The following IFNGR2 variants were observed in gnomAD, a reference collection of about 807,000 sequenced individuals.
IFNGR2 encodes IFN-gamma receptor 2.
IFNGR2 carries 15 observed loss-of-function variants against 41.1 expected under a neutral mutation model. The observed-to-expected ratio is 0.37, with a 90% confidence interval of 0.24 to 0.56. The LOEUF (loss-of-function observed/expected upper bound fraction) is 0.56. IFNGR2 is among the 20% of genes least tolerant of loss of function. The pLI, the probability that IFNGR2 is intolerant of heterozygous loss-of-function variation, is 0.81. For synonymous variants in IFNGR2, 161 were observed against 171.6 expected, an observed-to-expected ratio of 0.94 and a Z score of 0.48; for missense variants, 362 against 415.7, an observed-to-expected ratio of 0.87 and a Z score of 1.12.
chr21:33,427,107 T>G, intron 4 of IFNGR2, 75 bp downstream of exon 4: 1 of 1,314,418 alleles, frequency 7.6e-7, no homozygotes, highest in Non-Finnish European at 1.1e-6. Flanking sequence ...AAGAAACCTT[T>G]AACATGGGCA....
At chr21:33,413,892 G>T (rs940143467) in intron 1 of IFNGR2, among the ~76,000 whole-genome samples, 2 of 130,134 alleles carry the variant, frequency 1.5e-5, no homozygotes, top group South Asian at 5.1e-4. Context: ...GAGTGCAATG[G>T]TGCGATCTCA....
intron 2 of IFNGR2, among the ~76,000 whole-genome samples, chr21:33,420,575 T>C (rs2083784562): frequency 6.6e-6 from 1 of 152,204 alleles, no homozygotes; most frequent in African/African-American, 2.4e-5. Flanking sequence ...GACTGGAGTT[T>C]GTATTAACAC....
At chr21:33,427,091 A>G in intron 4 of IFNGR2, 59 bp downstream of exon 4, 1 of 1,465,444 alleles carries the variant, frequency 6.8e-7, no homozygotes, top group Non-Finnish European at 9.6e-7. Context: ...CTGGCTTAGC[A>G]AAAGAAAGAA....
intron 1 of IFNGR2, among the ~76,000 whole-genome samples, chr21:33,407,303 C>T (rs17880191): frequency 3.6e-4 from 55 of 152,164 alleles, no homozygotes; most frequent in African/African-American, 1.3e-3. Context: ...CAGTAAGTCC[C>T]CAGCAACTTA....
At chr21:33,407,619 G>A (rs975734076) in intron 1 of IFNGR2, among the ~76,000 whole-genome samples, 4 of 152,088 alleles carry the variant, frequency 2.6e-5, no homozygotes, top group South Asian at 2.1e-4. Flanking sequence ...TTTTTGAGAC[G>A]GAGTCTCGCC....
chr21:33,425,029 C>A (rs2083824516), intron 3 of IFNGR2, among the ~76,000 whole-genome samples: 1 of 152,306 alleles, frequency 6.6e-6, no homozygotes, highest in East Asian at 1.9e-4. Context: ...CCTGCCTCAG[C>A]CTCCTGAGTA....
upstream of IFNGR2, chr21:33,403,381 G>A (rs2083654366): frequency 8.9e-6 from 2 of 225,762 alleles, no homozygotes; most frequent in South Asian, 1.5e-4. Context: ...GCGGGCGGCC[G>A]AGCCGAATCC....
intron 6 of IFNGR2, among the ~76,000 whole-genome samples, chr21:33,435,451 C>T (rs2083936417): frequency 6.6e-6 from 1 of 152,064 alleles, no homozygotes; most frequent in African/African-American, 2.4e-5. Context: ...GCTTTTCTTC[C>T]AATCAGAAAA....
chr21:33,416,925 C>CTTT (rs554788768), intron 2 of IFNGR2, among the ~76,000 whole-genome samples: 1 of 128,256 alleles, frequency 7.8e-6, no homozygotes, highest in African/African-American at 2.9e-5. Flanking sequence ...TTTTCTTTTT[C>CTTT]TTTTTTTTTT....
intron 1 of IFNGR2, among the ~76,000 whole-genome samples, chr21:33,410,656 C>T (rs757893431): frequency 1.3e-5 from 2 of 150,314 alleles, no homozygotes; most frequent in African/African-American, 4.9e-5. Flanking sequence ...TTAGTAGAGA[C>T]GGGGTTTCAC....
upstream of IFNGR2, chr21:33,403,322 C>T (rs2083653522): frequency 6.0e-6 from 1 of 166,448 alleles, no homozygotes; most frequent in South Asian, 1.8e-4. Context: ...CGGGAAAGTC[C>T]CGCGCGGGGG....
At chr21:33,432,516 A>C (rs1247275097) in intron 5 of IFNGR2, 180 bp downstream of exon 5, 1 of 835,018 alleles carries the variant, frequency 1.2e-6, no homozygotes, top group African/African-American at 1.7e-5. Context: ...GCTACCAGAC[A>C]GCTACCACTT....
At chr21:33,404,143 C>T (rs2083661219) in intron 1 of IFNGR2, among the ~76,000 whole-genome samples, 1 of 152,270 alleles carries the variant, frequency 6.6e-6, no homozygotes, top group African/African-American at 2.4e-5. Flanking sequence ...ACTGGTTCTG[C>T]AGCCTGGCGA....
intron 3 of IFNGR2, among the ~76,000 whole-genome samples, chr21:33,422,452 A>G (rs189518944): frequency 1.7e-4 from 26 of 152,290 alleles, no homozygotes; most frequent in Non-Finnish European, 3.4e-4. Context: ...TATAATGAAC[A>G]ATTTTATTGT....
intron 1 of IFNGR2, among the ~76,000 whole-genome samples, chr21:33,410,528 G>A (rs2083708326): frequency 8.3e-6 from 1 of 121,020 alleles, no homozygotes; most frequent in South Asian, 3.0e-4. Flanking sequence ...GAGTGCAGTG[G>A]CGTGATCTCA....
Position 33,430,068 on chromosome 21 carries a change from G to A in IFNGR2, c.562-2109G>A, listed in dbSNP as rs1429970548. Among the ~76,000 whole-genome samples the A allele has an allele frequency of 2.0e-5, 3 of 152,276 alleles. No individual in the cohort carries two copies. In the East Asian group the frequency reaches 5.8e-4, roughly 29 times the overall value. Reference sequence around the variant, plus strand: ...GCAGGAGAATTGCTTGAACCTGGGAGGCAGAGGTTGCAGTGAGTCGAGATC... The same window carrying A: ...GCAGGAGAATTGCTTGAACCTGGGAAGCAGAGGTTGCAGTGAGTCGAGATC... On this transcript the variant is annotated intron_variant, in intron 4 of 6. Transcript: ENST00000290219.
rs1202928331 is a variant in IFNGR2 at position 33,433,639 on chromosome 21, C to CCT, written c.879+769_879+770insTC. Among the ~76,000 whole-genome samples, 3 of 152,104 alleles carry CCT rather than the reference C, an allele frequency of 2.0e-5. No individual in the cohort carries two copies. The East Asian group carries it at 5.8e-4, about 29-fold the overall frequency. On this transcript the variant is annotated intron_variant, in intron 6 of 6. Coordinates refer to ENST00000290219, the MANE Select transcript of IFNGR2 (RefSeq NM_005534.4). Reference sequence around the variant, plus strand: ...AGTGGGAAGTTCGTGTTGAATGGGGCCAGAGTTTCAGTTCTGGGGCTGTAC... The same window carrying CCT: ...AGTGGGAAGTTCGTGTTGAATGGGGCCTCAGAGTTTCAGTTCTGGGGCTGTAC...
intron 4 of IFNGR2, among the ~76,000 whole-genome samples, chr21:33,431,336 G>A (rs192920404): frequency 7.3e-4 from 111 of 152,234 alleles, no homozygotes; most frequent in African/African-American, 2.5e-3. Flanking sequence ...TTGGGAGGCC[G>A]AGGCAGGTGG....
intron 6 of IFNGR2, among the ~76,000 whole-genome samples, chr21:33,436,083 T>C (rs942523239): frequency 5.3e-5 from 8 of 150,946 alleles, no homozygotes; most frequent in South Asian, 4.2e-4. Context: ...TGTTGCCGGG[T>C]GCAGTGGCTC....
Sources: gnomAD v4.1 joint callset for allele counts (sites outside exome capture counted in the v4.1 genomes callset) on GRCh38, gnomAD v4.1.1 for gene constraint, MANE v1.5 for transcripts, NCBI Gene and HGNC (gene_info 2026-07-23, HGNC 2026-07-21) for gene names.